PRKCI: variants seen among roughly 807,000 people sequenced by gnomAD.
PRKCI encodes protein kinase C iota.
A neutral mutation model predicts 84.0 loss-of-function variants in PRKCI; 43 were observed. The observed-to-expected ratio is 0.51, with a 90% CI of 0.40 to 0.66. PRKCI has a LOEUF of 0.66. Ranked by LOEUF, PRKCI falls within the 30% of genes least tolerant of loss-of-function variation. PRKCI has a pLI of 0.00. For synonymous variants in PRKCI, 216 were observed against 234.4 expected, an observed-to-expected ratio of 0.92 and a Z score of 0.72; for missense variants, 459 against 745.6, an observed-to-expected ratio of 0.62 and a Z score of 4.48.
intron 8 of PRKCI, among the ~76,000 whole-genome samples, chr3:170,278,763 C>T (rs554894437): frequency 6.6e-6 from 1 of 152,338 alleles, no homozygotes; most frequent in Admixed American, 6.5e-5. Flanking sequence ...AAGTATTGCA[C>T]TAGCATCTGC....
chr3:170,224,888 G>A (rs1190564606), intron 1 of PRKCI, among the ~76,000 whole-genome samples: 2 of 152,182 alleles, frequency 1.3e-5, no homozygotes, highest in African/African-American at 4.8e-5. Context: ...TGAAAGGTAA[G>A]AAATTAGTGC....
rs1418234304 is a variant in PRKCI, at chr3:170,305,194, C to G, written c.*2067C>G. 6.6e-6 allele frequency: 1 copy of G among 152,570 alleles called. No homozygotes were observed. The highest frequency in any genetic ancestry group is 1.5e-5 in the Non-Finnish European group (1 of 68,024). 9.5% of individuals were successfully genotyped at this position (152,570 alleles called of 1,614,324 possible). On this transcript the variant is annotated 3_prime_UTR_variant, in exon 18 of 18. Coordinates refer to ENST00000295797, the MANE Select transcript of PRKCI (RefSeq NM_002740.6). ...TGCTGTTTCCCATAGGGCATTAGTT[C>G]TCAGATTTTGGAATGTGAAATAATC...
At chr3:170,255,866 G>A (rs1241465063) in intron 2 of PRKCI, among the ~76,000 whole-genome samples, 1 of 152,046 alleles carries the variant, frequency 6.6e-6, no homozygotes, top group East Asian at 1.9e-4. Context: ...TGTCATGAAG[G>A]GATGTTGAAT....
intron 3 of PRKCI, among the ~76,000 whole-genome samples, chr3:170,260,505 A>T (rs1733697844): frequency 6.6e-6 from 1 of 152,198 alleles, no homozygotes; most frequent in African/African-American, 2.4e-5. Context: ...TCTGTCACCC[A>T]GGTTGGAGTA....
chr3:170,232,420 CAA>C (rs1176722811), intron 1 of PRKCI, among the ~76,000 whole-genome samples: 2 of 151,996 alleles, frequency 1.3e-5, no homozygotes, highest in Non-Finnish European at 2.9e-5. Context: ...GGCTAGAGTG[CAA>C]TGACATAGTC....
chr3:170,255,843 T>G (rs1733571074), intron 2 of PRKCI, among the ~76,000 whole-genome samples: 1 of 152,244 alleles, frequency 6.6e-6, no homozygotes, highest in African/African-American at 2.4e-5. Flanking sequence ...ATCCCCAGTT[T>G]TTTTTGGATT....
chr3:170,263,552 A>G (rs901689533), intron 4 of PRKCI, 123 bp downstream of exon 4: 13 of 742,850 alleles, frequency 1.8e-5, no homozygotes, highest in Middle Eastern at 3.8e-4. Flanking sequence ...CTGTAATCCC[A>G]GCACTGTGGG....
intron 3 of PRKCI, 102 bp downstream of exon 3, chr3:170,260,160 A>C: frequency 8.0e-6 from 6 of 751,742 alleles, no homozygotes; most frequent in Non-Finnish European, 1.3e-5. Flanking sequence ...TCATTTTCTC[A>C]ATCTCTGTGA....
intron 3 of PRKCI, among the ~76,000 whole-genome samples, chr3:170,261,614 C>G (rs1302977150): frequency 6.6e-6 from 1 of 151,976 alleles, no homozygotes; most frequent in Non-Finnish European, 1.5e-5. Context: ...CTCCAAAGTA[C>G]TTGGGATTAC....
At chr3:170,282,123 T>C (rs780789005) in intron 11 of PRKCI, among the ~76,000 whole-genome samples, 155 bp downstream of exon 11, 10 of 152,206 alleles carry the variant, frequency 6.6e-5, no homozygotes, top group East Asian at 1.9e-4. Flanking sequence ...ATTTACATTA[T>C]ATATATGTAA....
chr3:170,264,277 A>C (rs1733805980), intron 4 of PRKCI, among the ~76,000 whole-genome samples: 1 of 149,276 alleles, frequency 6.7e-6, no homozygotes, highest in Non-Finnish European at 1.5e-5. Context: ...GTATTAAGTC[A>C]CTTTTGTTGT....
chr3:170,246,895 C>T (rs1733301906), intron 2 of PRKCI, among the ~76,000 whole-genome samples: 1 of 152,046 alleles, frequency 6.6e-6, no homozygotes, highest in Non-Finnish European at 1.5e-5. Flanking sequence ...GCTTGGTCAC[C>T]TTTGTTTTTG....
At chr3:170,286,339 CATTTTTTTTCCTAAGGG>C (rs1734390337) in intron 12 of PRKCI, among the ~76,000 whole-genome samples, 1 of 151,898 alleles carries the variant, frequency 6.6e-6, no homozygotes, top group East Asian at 1.9e-4. Flanking sequence ...ATCTCTGTGT[CATTTTTTTTCCTAAGGG>C]ATTTTTTTCT....
At chr3:170,235,540 G>A (rs1732948725) in intron 2 of PRKCI, among the ~76,000 whole-genome samples, 189 bp downstream of exon 2, 1 of 149,602 alleles carries the variant, frequency 6.7e-6, no homozygotes, top group Admixed American at 6.7e-5. Flanking sequence ...CCCCTTTTAC[G>A]CCAAAATGAT....
At chr3:170,273,176 A>G in intron 6 of PRKCI, 110 bp from the exon 7 acceptor site, 2 of 863,916 alleles carry the variant, frequency 2.3e-6, no homozygotes, top group Non-Finnish European at 3.7e-6. Flanking sequence ...CACTTAAGTT[A>G]TATTCTTTCA....
At chr3:170,271,310 T>A (rs957407721) in intron 6 of PRKCI, among the ~76,000 whole-genome samples, 2 of 152,150 alleles carry the variant, frequency 1.3e-5, no homozygotes, top group African/African-American at 4.8e-5. Context: ...TGTACCCCCA[T>A]TCACTTAACT....
At position 170,295,805 on chromosome 3, in the gene PRKCI, A is replaced by G. The variant is rs1734674588; in HGVS notation, c.1418-106A>G. On this transcript the variant is annotated intron_variant, in intron 14 of 17. Coordinates refer to ENST00000295797, the MANE Select transcript of PRKCI (RefSeq NM_002740.6). ...AGCTGCAGTGAGCTGTGATTGCATC[A>G]CTGCACTCCAACCTGGGCAACAGAA... 5.6e-6 allele frequency: 3 copies of G among 533,764 alleles called. No homozygotes were observed. The East Asian group carries it at 1.0e-4, about 18-fold the overall frequency. The allele number at this position is 533,764 out of a possible 1,614,324, so 33.1% of individuals were successfully genotyped here.
chr3:170,237,781 C>T (rs1175065435), intron 2 of PRKCI, among the ~76,000 whole-genome samples: 2 of 152,110 alleles, frequency 1.3e-5, no homozygotes, highest in African/African-American at 2.4e-5. Flanking sequence ...GTTCACTGTT[C>T]AGGAAAAAAA....
chr3:170,249,761 C>G, intron 2 of PRKCI, among the ~76,000 whole-genome samples: 1 of 148,422 alleles, frequency 6.7e-6, no homozygotes, highest in East Asian at 2.0e-4. Context: ...CATGCCACTG[C>G]ATTCCAGCTT....
Sources: allele counts gnomAD v4.1 joint callset (sites outside exome capture counted in the v4.1 genomes callset), GRCh38; gene constraint gnomAD v4.1.1; transcripts MANE v1.5; gene names NCBI Gene and HGNC (gene_info 2026-07-23, HGNC 2026-07-21).